Variants in PRKAR1B observed in about 807,000 individuals in gnomAD.
PRKAR1B encodes the protein protein kinase cAMP-dependent type I regulatory subunit beta.
Under a neutral mutation model 46.5 loss-of-function variants are expected in PRKAR1B, and 22 were observed. The observed-to-expected ratio is 0.47, with a 90% confidence interval of 0.34 to 0.68. PRKAR1B has a LOEUF of 0.68. PRKAR1B is among the 30% of genes least tolerant of loss of function. PRKAR1B has a pLI of 0.01. For synonymous variants in PRKAR1B, 259 were observed against 217.7 expected (o/e 1.19, Z -1.67); for missense variants, 445 against 535.6 (o/e 0.83, Z 1.67).
intron 4 of PRKAR1B, among the ~76,000 whole-genome samples, chr7:627,473 G>C (rs1228525480): frequency 6.6e-6 from 1 of 152,210 alleles, no homozygotes; most frequent in Non-Finnish European, 1.5e-5. Context: ...CACGCCTGAG[G>C]GTTTGCAAAG....
At chr7:598,237 A>G (rs886488604) in intron 6 of PRKAR1B, among the ~76,000 whole-genome samples, 4 of 127,354 alleles carry the variant, frequency 3.1e-5, no homozygotes, top group Non-Finnish European at 6.6e-5. Flanking sequence ...CACCCTCCAC[A>G]CTAAACACCA....
At chr7:573,296 C>T (rs757255091) in intron 9 of PRKAR1B, among the ~76,000 whole-genome samples, 72 of 152,198 alleles carry the variant, frequency 4.7e-4, no homozygotes, top group African/African-American at 1.6e-3. Flanking sequence ...ACGTGCAAGG[C>T]GCTGTTTTAT....
At chr7:630,979 G>A (rs1369353755) in intron 4 of PRKAR1B, among the ~76,000 whole-genome samples, 2 of 148,862 alleles carry the variant, frequency 1.3e-5, no homozygotes, top group Non-Finnish European at 3.0e-5. Context: ...TAAAGACAGA[G>A]TCTTGCTCTG....
chr7:652,490 G>A (rs557125775), intron 4 of PRKAR1B, among the ~76,000 whole-genome samples: 1 of 151,688 alleles, frequency 6.6e-6, no homozygotes, highest in Admixed American at 6.6e-5. Flanking sequence ...TCGGAAGACA[G>A]TTCACACCCA....
chr7:724,889 G>T (rs1261731737), intron 1 of PRKAR1B, among the ~76,000 whole-genome samples: 4 of 152,220 alleles, frequency 2.6e-5, no homozygotes, highest in African/African-American at 9.7e-5. Context: ...AATGAATGAA[G>T]GTTACTGAAT....
chr7:588,681 ATGATGGTGATGG>A (rs1562541936), intron 7 of PRKAR1B, among the ~76,000 whole-genome samples: 288 of 19,922 alleles, frequency 0.014, no homozygotes, highest in Middle Eastern at 0.05. Flanking sequence ...GGTGATGACG[ATGATGGTGATGG>A]TGGTGATGGT....
intron 4 of PRKAR1B, among the ~76,000 whole-genome samples, chr7:623,912 C>T (rs1783243134): frequency 6.6e-6 from 1 of 152,194 alleles, no homozygotes; most frequent in African/African-American, 2.4e-5. Flanking sequence ...GTCCGCTCTA[C>T]CCTGTGGATC....
intron 4 of PRKAR1B, among the ~76,000 whole-genome samples, chr7:627,050 T>C (rs1179323112): frequency 1.3e-5 from 2 of 152,178 alleles, no homozygotes; most frequent in Non-Finnish European, 2.9e-5. Flanking sequence ...ACTTTTTGTA[T>C]TTTTAGTAGA....
At chr7:557,699 C>T (rs1295173434) in intron 9 of PRKAR1B, among the ~76,000 whole-genome samples, 1 of 152,182 alleles carries the variant, frequency 6.6e-6, no homozygotes, top group East Asian at 1.9e-4. Context: ...TGAGACGCAC[C>T]ACGGTCTCTC....
chr7:680,906 C>T (rs1778645227), intron 2 of PRKAR1B, among the ~76,000 whole-genome samples, 180 bp from the exon 3 acceptor site: 2 of 152,112 alleles, frequency 1.3e-5, no homozygotes, highest in African/African-American at 4.8e-5. Context: ...CTGTCCCCAC[C>T]CAAATTTCAC....
chr7:679,299 T>C (rs1460064128), intron 3 of PRKAR1B, among the ~76,000 whole-genome samples: 1 of 152,230 alleles, frequency 6.6e-6, no homozygotes, highest in Non-Finnish European at 1.5e-5. Flanking sequence ...AATGGCCTTT[T>C]TCTGTCCCAG....
intron 1 of PRKAR1B, among the ~76,000 whole-genome samples, chr7:713,643 C>A (rs1780770551): frequency 6.6e-6 from 1 of 151,980 alleles, no homozygotes; most frequent in Non-Finnish European, 1.5e-5. Context: ...ACACACTCAC[C>A]GTCTCTCACT....
At chr7:624,721 A>C (rs1783291116) in intron 4 of PRKAR1B, among the ~76,000 whole-genome samples, 1 of 152,212 alleles carries the variant, frequency 6.6e-6, no homozygotes, top group Non-Finnish European at 1.5e-5. Context: ...CATAAGGCAA[A>C]ATCTGATCAA....
chr7:689,631 G>C lies in PRKAR1B; in HGVS notation c.178-8905C>G, dbSNP rs1425913774. On this transcript the variant is annotated intron_variant, in intron 2 of 10. Coordinates refer to ENST00000537384, the MANE Select transcript of PRKAR1B (RefSeq NM_001164760.2). ...ATGCAACAAAAGAAAAAGATGGGGA[G>C]GATAAGGAGGGGAGGGGGAGGAGAG... Among the ~76,000 whole-genome samples the C allele has an allele frequency of 3.3e-5, 5 of 151,918 alleles. No homozygotes were observed. The East Asian group carries it at 9.7e-4, about 30-fold the overall frequency.
At chr7:655,812 G>T (rs1785158968) in intron 4 of PRKAR1B, among the ~76,000 whole-genome samples, 1 of 152,110 alleles carries the variant, frequency 6.6e-6, no homozygotes, top group Non-Finnish European at 1.5e-5. Context: ...TGATTGATGA[G>T]AGCATGCCCC....
intron 9 of PRKAR1B, among the ~76,000 whole-genome samples, chr7:563,452 G>A (rs747331216): frequency 2.0e-4 from 30 of 152,356 alleles, no homozygotes; most frequent in African/African-American, 7.0e-4. Flanking sequence ...ACAGCCCCCC[G>A]GCTTGGGTGG....
chr7:641,456 G>A (rs778076177), intron 4 of PRKAR1B, among the ~76,000 whole-genome samples: 1 of 152,166 alleles, frequency 6.6e-6, no homozygotes, highest in Non-Finnish European at 1.5e-5. Flanking sequence ...CCCAGATGAC[G>A]CCGTATTGTT....
chr7:607,479 G>C, intron 4 of PRKAR1B, 27 bp from the exon 5 acceptor site: 1 of 1,602,386 alleles, frequency 6.2e-7, no homozygotes. Flanking sequence ...GCCAAATTAG[G>C]GCTGCAGGCA....
At chr7:612,751 T>C (rs910478196) in intron 4 of PRKAR1B, among the ~76,000 whole-genome samples, 1 of 147,356 alleles carries the variant, frequency 6.8e-6, no homozygotes, top group African/African-American at 2.7e-5. Flanking sequence ...ATTTAGGAAC[T>C]TGAAGAAACA....
Sources: allele counts gnomAD v4.1 joint callset (sites outside exome capture counted in the v4.1 genomes callset), GRCh38; gene constraint gnomAD v4.1.1; transcripts MANE v1.5; gene names NCBI Gene and HGNC (gene_info 2026-07-23, HGNC 2026-07-21).